Variants in INTS1 observed in about 807,000 individuals in gnomAD.
INTS1 encodes integrator complex subunit 1.
Under a neutral mutation model 241.6 loss-of-function variants are expected in INTS1, and 137 were observed. The observed-to-expected ratio is 0.57, with a 90% confidence interval of 0.49 to 0.65. The LOEUF (loss-of-function observed/expected upper bound fraction) is 0.65, where lower values mean the gene tolerates loss of function less well. Among genes scored for constraint, INTS1 ranks in the 30% least tolerant of loss-of-function variants. The pLI, the probability that INTS1 is intolerant of heterozygous loss-of-function variation, is 0.00. For missense variants in INTS1, 3,073 were observed against 3,032.2 expected, an observed-to-expected ratio of 1.01 and a Z score of -0.32; for synonymous variants, 1,692 against 1,337.8, an observed-to-expected ratio of 1.26 and a Z score of -5.78.
intron 26 of INTS1, chr7:1,483,344 C>T (rs1782086952): frequency 8.7e-6 from 3 of 343,224 alleles, no homozygotes; most frequent in South Asian, 7.7e-5. Flanking sequence ...GGTCACTCGC[C>T]TGGGCCCCGG....
chr7:1,479,722 GAGA>G (rs774552370), intron 30 of INTS1, 38 bp from the exon 31 acceptor site: 682 of 1,333,916 alleles, frequency 5.1e-4, no homozygotes, highest in East Asian at 1.5e-3. Context: ...GGAAGCGGAG[GAGA>G]AGGAGGAGGA....
At chr7:1,490,119 A>C (rs1427176750) in intron 16 of INTS1, among the ~76,000 whole-genome samples, 2 of 152,198 alleles carry the variant, frequency 1.3e-5, no homozygotes, top group Admixed American at 6.5e-5. Flanking sequence ...GCCTGGAGCC[A>C]CATGCAGAGG....
chr7:1,500,558 GC>G (rs1354168225), intron 3 of INTS1, among the ~76,000 whole-genome samples, 192 bp from the exon 4 acceptor site: 2 of 152,162 alleles, frequency 1.3e-5, no homozygotes, highest in African/African-American at 2.4e-5. Context: ...ACAACAGGCT[GC>G]CCCACAGGCC....
Position 1,471,244 on chromosome 7 carries a change from G to C in INTS1, c.6256-20C>G. On this transcript the variant is annotated intron_variant, in intron 45 of 47. Transcript: ENST00000404767. ...GTTGGTCTGACCGGGGGAAAGGTGG[G>C]AGGTGTGTGACCAAGGGGTCCAGCC... The C allele has an allele frequency of 6.4e-7, 1 of 1,560,820 alleles. No homozygotes were observed. Among genetic ancestry groups the C allele is most frequent in the Admixed American group, 1.9e-5 (1 of 52,520 alleles).
At chr7:1,486,367 G>C (rs567162599) in intron 22 of INTS1, among the ~76,000 whole-genome samples, 163 of 151,696 alleles carry the variant, frequency 1.1e-3, no homozygotes, top group Non-Finnish European at 1.7e-3. Context: ...AGGTACAAGC[G>C]AGTCTCCTGC....
rs1319908375 is a variant in INTS1 at position 1,481,975 on chromosome 7, TC to T, written c.3704-488del. On this transcript the variant is annotated intron_variant, in intron 27 of 47. Transcript: ENST00000404767. This position sits in a 1 kb window ranked among gnomAD's most constrained non-coding sequence, Gnocchi z 6.8. ...CACGCAGGCTGCTGTGACTATCTTC[TC>T]TCAGTGCTCAGGGCGCTCTTGCCCC... 6.6e-6 allele frequency among the ~76,000 whole-genome samples: 1 copy of T among 152,140 alleles called. No homozygotes were observed. The highest frequency in any genetic ancestry group is 1.9e-4 in the East Asian group (1 of 5,176).
At chr7:1,483,212 CG>C (rs1468775176) in intron 26 of INTS1, 2 of 221,340 alleles carry the variant, frequency 9.0e-6, no homozygotes, top group Non-Finnish European at 1.8e-5. Context: ...ACAGACACAA[CG>C]GGGTGAACGT....
chr7:1,490,312 G>A (rs1460764785), intron 16 of INTS1, among the ~76,000 whole-genome samples: 1 of 152,122 alleles, frequency 6.6e-6, no homozygotes, highest in Non-Finnish European at 1.5e-5. Context: ...TGCATAAAGG[G>A]ACGCCCCTGA....
In INTS1 at chr7:1,487,168, G is replaced by C. The variant is rs1782311573; in HGVS notation, c.2647-67C>G. The C allele has an allele frequency of 3.9e-5, 60 of 1,522,608 alleles. 2 individuals are homozygous for C. In the South Asian group the frequency reaches 7.1e-4, roughly 18 times the overall value. The allele number at this position is 1,522,608 out of a possible 1,614,324, so 94.3% of individuals were successfully genotyped here. A position where few individuals can be genotyped will look rare whatever the true frequency, so the allele number is the denominator to read the frequency against. On this transcript the variant is annotated intron_variant, in intron 20 of 47. Coordinates refer to ENST00000404767, the MANE Select transcript of INTS1 (RefSeq NM_001080453.3). ...CCAACACCTGCCGCCAGCCCCCCGG[G>C]TGACCGCGGAGCCGGAAAGGGCGAC...
intron 39 of INTS1, among the ~76,000 whole-genome samples, chr7:1,475,671 A>C (rs1422057561): frequency 6.6e-6 from 1 of 151,658 alleles, no homozygotes; most frequent in Non-Finnish European, 1.5e-5. Context: ...GTCCACCAGC[A>C]GGTGAACAGA....
chr7:1,496,193 C>T lies in INTS1; in HGVS notation c.1674G>A (p.Lys558=). 1.2e-6 allele frequency: 2 copies of T among 1,613,884 alleles called. No individual in the cohort carries two copies. The highest frequency in any genetic ancestry group is 1.7e-6 in the Non-Finnish European group (2 of 1,179,820). ...CTTTGTCCCAGGCGATGCCGGCCTC[C>T]TTCACCTGCGCTGTGATGCCCAGCA... ...SMMLGITAQV[K]EAGIAWDKGE... Residue 558 remains lysine (K), a synonymous_variant, in exon 12 of 48, where the codon AAG becomes AAA. Coordinates refer to ENST00000404767, the MANE Select transcript of INTS1 (RefSeq NM_001080453.3).
At position 1,474,267 on chromosome 7, in the gene INTS1, G is replaced by A. The variant is rs752690044; in HGVS notation, c.5730C>T (p.His1910=). 99 of 1,608,216 alleles carry A rather than the reference G, an allele frequency of 6.2e-5. 3 individuals carry two copies. The South Asian group carries it at 6.3e-4, about 10-fold the overall frequency. ...GCAGCAGCTCCAGCAGGCCCAGCAC[G>A]TGCAGGAAGCAGCTCAGGTGGTTCT... ...RQQNHLSCFL[H]VLGLLELLQP... Residue 1910 remains histidine, a synonymous_variant, in exon 41 of 48, where the codon CAC becomes CAT. Transcript: ENST00000404767.
At chr7:1,470,755 ACCTCGGGACTCCCAAGAGCCAGC>A in intron 47 of INTS1, 63 bp from the exon 48 acceptor site, 1 of 1,473,346 alleles carries the variant, frequency 6.8e-7, no homozygotes, top group Non-Finnish European at 9.1e-7. Flanking sequence ...CAGTGACCAG[ACCTCGGGACTCCCAAGAGCCAGC>A]CCTCGGGGGA....
rs534812440 is a variant in INTS1 at position 1,479,177 on chromosome 7, G to A, written c.4329+253C>T. On this transcript the variant is annotated intron_variant, in intron 31 of 47. Coordinates refer to ENST00000404767, the MANE Select transcript of INTS1 (RefSeq NM_001080453.3). ...ACACAGTCCTAGGTACCAGCAGATGGGGAAAGCAAGGCAGGAGCGCCGAGC... is the reference window on the plus strand; with the variant it reads ...ACACAGTCCTAGGTACCAGCAGATGAGGAAAGCAAGGCAGGAGCGCCGAGC... Among the ~76,000 whole-genome samples, 4 of 152,390 alleles carry A rather than the reference G, an allele frequency of 2.6e-5. No homozygotes were observed. In the East Asian group the frequency reaches 5.8e-4, roughly 22 times the overall value.
rs1464478435 is a variant in INTS1 at position 1,481,255 on chromosome 7, C to T, written c.3850+87G>A. 49 of 1,494,738 alleles carry T rather than the reference C, an allele frequency of 3.3e-5. No homozygotes were observed. The highest frequency in any genetic ancestry group is 1.7e-4 in the Middle Eastern group (1 of 5,894). 92.6% of individuals were successfully genotyped at this position (1,494,738 alleles called of 1,614,324 possible). On this transcript the variant is annotated intron_variant, in intron 28 of 47. Transcript: ENST00000404767. The surrounding 1 kb of genome is among the most constrained non-coding windows in gnomAD (Gnocchi z 6.8). ...ACCCACCCGACCTCGGATCACCCAC[C>T]CGCTCGCACCCAGGCCCCAAAAGCC...
chr7:1,471,014 C>T lies in INTS1; in HGVS notation c.6348-59G>A. On this transcript the variant is annotated intron_variant, in intron 46 of 47. Coordinates refer to ENST00000404767, the MANE Select transcript of INTS1 (RefSeq NM_001080453.3). Reference sequence around the variant, plus strand: ...ACCCTGTGCCCACGCCAGACCCCCACCCGACAGGGCGAGCTGAGCCGCCTG... The same window carrying T: ...ACCCTGTGCCCACGCCAGACCCCCATCCGACAGGGCGAGCTGAGCCGCCTG... 3.3e-6 allele frequency: 5 copies of T among 1,519,042 alleles called. No homozygotes were observed. In the South Asian group the frequency reaches 3.6e-5, roughly 11 times the overall value. The allele number at this position is 1,519,042 out of a possible 1,614,324, so 94.1% of individuals were successfully genotyped here.
rs1782906279 is a variant in INTS1 at position 1,497,202 on chromosome 7, TG to T, written c.1537del (p.Gln513ArgfsTer37). On this transcript the variant is annotated frameshift_variant, in exon 11 of 48. Coordinates refer to ENST00000404767, the MANE Select transcript of INTS1 (RefSeq NM_001080453.3). LOFTEE classifies it high-confidence loss of function. This position sits in a 1 kb window ranked among gnomAD's most constrained non-coding sequence, Gnocchi z 5.3. ...IKQTKHEINF[Q>X]AFCLGLMQER... ...CTGCATGAGCCCCAGGCAGAAGGCCTGGAAGTTGATCTCGTGCTTGGTCTGC... is the reference window on the plus strand; with the variant it reads ...CTGCATGAGCCCCAGGCAGAAGGCCTGAAGTTGATCTCGTGCTTGGTCTGC... 15 of 1,612,448 alleles carry T rather than the reference TG, an allele frequency of 9.3e-6. No individual in the cohort carries two copies. The highest frequency in any genetic ancestry group is 1.3e-5 in the Non-Finnish European group (15 of 1,179,486).
intron 14 of INTS1, chr7:1,494,527 C>T (rs953397531): frequency 1.2e-5 from 6 of 515,090 alleles, no homozygotes; most frequent in Non-Finnish European, 2.1e-5. Context: ...GGTGGCGTGC[C>T]CGTGGACGCC....
At chr7:1,487,277 T>C in intron 20 of INTS1, 43 bp downstream of exon 20, 1 of 1,557,400 alleles carries the variant, frequency 6.4e-7, no homozygotes, top group East Asian at 2.4e-5. Flanking sequence ...GTTCCGGGCC[T>C]CCCAAGACCA....
Sources: gnomAD v4.1 joint callset for allele counts (sites outside exome capture counted in the v4.1 genomes callset) on GRCh38, gnomAD v4.1.1 for gene constraint, Gnocchi (gnomAD v3.1) non-coding constraint, MANE v1.5 for transcripts, NCBI Gene and HGNC (gene_info 2026-07-23, HGNC 2026-07-21) for gene names.